The following HS6ST3 variants were observed in gnomAD, a reference collection of about 807,000 sequenced individuals.
The protein encoded by HS6ST3 is heparan sulfate 6-O-sulfotransferase 3.
HS6ST3 carries 12 observed loss-of-function variants against 36.7 expected under a neutral mutation model. The observed-to-expected ratio is 0.33, with a 90% CI of 0.21 to 0.53. HS6ST3 has a LOEUF of 0.53. Ranked by LOEUF, HS6ST3 falls within the 20% of genes least tolerant of loss-of-function variation. The pLI is 0.95. For missense variants in HS6ST3, 584 were observed against 640.9 expected (o/e 0.91, Z 0.96); for synonymous variants, 240 against 257.5 (o/e 0.93, Z 0.65).
chr13:96,700,265 G>T (rs1399723949), intron 1 of HS6ST3, among the ~76,000 whole-genome samples: 1 of 152,160 alleles, frequency 6.6e-6, no homozygotes, highest in East Asian at 1.9e-4. Flanking sequence ...AAGAGAGAAT[G>T]AGAACCAAGT....
chr13:96,108,531 A>G (rs2053853101), intron 1 of HS6ST3, among the ~76,000 whole-genome samples: 1 of 152,040 alleles, frequency 6.6e-6, no homozygotes, highest in African/African-American at 2.4e-5. Flanking sequence ...GAAAATCACT[A>G]ATAAAAACTT....
At chr13:96,279,798 T>C (rs1275450501) in intron 1 of HS6ST3, among the ~76,000 whole-genome samples, 3 of 152,176 alleles carry the variant, frequency 2.0e-5, no homozygotes, top group Non-Finnish European at 2.9e-5. Flanking sequence ...GTATTGGGAG[T>C]AATTTGGCAA....
rs201283736 is a variant in HS6ST3, at chr13:96,431,221, AAACAAACAAC to A, written c.707+339658_707+339667del. Among the ~76,000 whole-genome samples the A allele has an allele frequency of 5.9e-3, 588 of 99,590 alleles. 19 individuals are homozygous for A. In the East Asian group the frequency reaches 0.14, roughly 23 times the overall value. The allele number at this position is 99,590 out of a possible 152,430, so 65.3% of individuals were successfully genotyped here. A position where few individuals can be genotyped will look rare whatever the true frequency, so the allele number is the denominator to read the frequency against. On this transcript the variant is annotated intron_variant, in intron 1 of 1. Transcript: ENST00000376705. ...CTTGTCTCTAAAACAAAAAACAAACAAACAAACAACAACAACAACAACAACAACAACAACA... is the reference window on the plus strand; with the variant it reads ...CTTGTCTCTAAAACAAAAAACAAACAAACAACAACAACAACAACAACAACA...
At chr13:96,483,800 G>A (rs989328531) in intron 1 of HS6ST3, among the ~76,000 whole-genome samples, 17 of 152,092 alleles carry the variant, frequency 1.1e-4, no homozygotes, top group African/African-American at 4.1e-4. Flanking sequence ...TGTTCAGAAT[G>A]GCTCACAAGC....
chr13:96,632,316 T>A (rs958276473), intron 1 of HS6ST3, among the ~76,000 whole-genome samples: 4 of 151,098 alleles, frequency 2.6e-5, no homozygotes, highest in Middle Eastern at 3.2e-3. Flanking sequence ...TCTGTGTTTT[T>A]TTTTGTTTGT....
intron 1 of HS6ST3, among the ~76,000 whole-genome samples, chr13:96,212,929 C>A (rs1165355072): frequency 6.6e-6 from 1 of 151,950 alleles, no homozygotes; most frequent in Non-Finnish European, 1.5e-5. Flanking sequence ...TCTCCAGAAC[C>A]CAAAAAGAGA....
chr13:96,344,825 G>A (rs975707619), intron 1 of HS6ST3, among the ~76,000 whole-genome samples: 2 of 152,174 alleles, frequency 1.3e-5, no homozygotes, highest in African/African-American at 4.8e-5. Flanking sequence ...GCTGATTGAG[G>A]TATTATACGA....
At chr13:96,217,876 A>G (rs1383544357) in intron 1 of HS6ST3, among the ~76,000 whole-genome samples, 1 of 152,058 alleles carries the variant, frequency 6.6e-6, no homozygotes, top group Non-Finnish European at 1.5e-5. Context: ...GAATGGGTGG[A>G]TGGATGGATG....
rs1169616912 is a variant in HS6ST3, at chr13:96,129,368, TA to T, written c.707+37801del. Among the ~76,000 whole-genome samples, 6 of 152,330 alleles carry T rather than the reference TA, an allele frequency of 3.9e-5. No individual in the cohort carries two copies. In the East Asian group the frequency reaches 1.2e-3, roughly 29 times the overall value. On this transcript the variant is annotated intron_variant, in intron 1 of 1. Transcript: ENST00000376705. ...CATCCAGGTAACCTGATAACTGTAT[TA>T]AGGCATATGGAGTAAGTTACAGAGG...
chr13:96,354,436 CATT>C (rs1306204880), intron 1 of HS6ST3, among the ~76,000 whole-genome samples: 4 of 152,032 alleles, frequency 2.6e-5, no homozygotes, highest in Non-Finnish European at 1.5e-5. Flanking sequence ...TAATTTCAAT[CATT>C]ATTTTCCATT....
chr13:96,700,894 T>C (rs1875267938), intron 1 of HS6ST3, among the ~76,000 whole-genome samples: 1 of 152,194 alleles, frequency 6.6e-6, no homozygotes, highest in South Asian at 2.1e-4. Flanking sequence ...GAAAATGACT[T>C]AATGAGTATA....
intron 1 of HS6ST3, among the ~76,000 whole-genome samples, chr13:96,662,877 C>G (rs769892632): frequency 6.6e-6 from 1 of 152,124 alleles, no homozygotes; most frequent in Non-Finnish European, 1.5e-5. Flanking sequence ...TGCAGTTCAA[C>G]CTCCAGGCCA....
In HS6ST3 at chr13:96,090,708, G is replaced by A; in HGVS notation, c.-155G>A. On this transcript the variant is annotated 5_prime_UTR_variant, in exon 1 of 2. Coordinates refer to ENST00000376705, the MANE Select transcript of HS6ST3 (RefSeq NM_153456.4). ...GGCTCCTCAAGCCCCGAGGGCCGCG[G>A]GGCCGCCAGCCAGCCACACGCCTCG... 1 of 380,866 alleles carries A rather than the reference G, an allele frequency of 2.6e-6. No homozygotes were observed. The highest frequency in any genetic ancestry group is 4.0e-6 in the Non-Finnish European group (1 of 248,304). 23.6% of individuals were successfully genotyped at this position (380,866 alleles called of 1,614,324 possible). A position where few individuals can be genotyped will look rare whatever the true frequency, so the allele number is the denominator to read the frequency against.
chr13:96,199,212 G>T (rs1396414790), intron 1 of HS6ST3, among the ~76,000 whole-genome samples: 2 of 152,194 alleles, frequency 1.3e-5, no homozygotes, highest in Non-Finnish European at 2.9e-5. Context: ...TGAGATTTGA[G>T]TGGGGACACA....
intron 1 of HS6ST3, among the ~76,000 whole-genome samples, chr13:96,398,203 G>A (rs563903550): frequency 6.6e-6 from 1 of 152,134 alleles, no homozygotes; most frequent in African/African-American, 2.4e-5. Flanking sequence ...TATGTTTCTT[G>A]TCATGGCAAC....
intron 1 of HS6ST3, among the ~76,000 whole-genome samples, chr13:96,092,137 G>A (rs1221720273): frequency 1.3e-5 from 2 of 152,092 alleles, no homozygotes; most frequent in Admixed American, 1.3e-4. Context: ...CTGTTCTACC[G>A]CGATAGATAA....
chr13:96,398,939 A>G (rs980976640), intron 1 of HS6ST3, among the ~76,000 whole-genome samples: 8 of 152,160 alleles, frequency 5.3e-5, no homozygotes, highest in African/African-American at 1.7e-4. Context: ...CAACAACCAC[A>G]TGAGTTTGGT....
chr13:96,637,797 G>A (rs1342823354), intron 1 of HS6ST3, among the ~76,000 whole-genome samples: 1 of 152,048 alleles, frequency 6.6e-6, no homozygotes, highest in East Asian at 1.9e-4. Context: ...TTCTTGCATA[G>A]TCATTCTTTT....
chr13:96,206,056 A>G (rs918758195), intron 1 of HS6ST3, among the ~76,000 whole-genome samples: 1 of 152,208 alleles, frequency 6.6e-6, no homozygotes, highest in African/African-American at 2.4e-5. Flanking sequence ...TCTTATATCT[A>G]GAAAACCCCA....
Sources: allele counts gnomAD v4.1 joint callset (sites outside exome capture counted in the v4.1 genomes callset), GRCh38; gene constraint gnomAD v4.1.1; transcripts MANE v1.5; gene names NCBI Gene and HGNC (gene_info 2026-07-23, HGNC 2026-07-21).